Variants in PATJ observed in about 807,000 individuals in gnomAD.
The protein encoded by PATJ is PATJ crumbs cell polarity complex component, also known as inaD-like protein.
PATJ carries 190 observed loss-of-function variants against 224.9 expected under a neutral mutation model. That is an observed-to-expected ratio of 0.84 (90% CI 0.75 to 0.95). PATJ has a LOEUF of 0.95. PATJ is among the 40% of genes least tolerant of loss of function. The pLI is 0.00. For missense variants in PATJ, 2,121 were observed against 2,270.3 expected (o/e 0.93, Z 1.34); for synonymous variants, 769 against 820.3 (o/e 0.94, Z 1.07).
intron 14 of PATJ, among the ~76,000 whole-genome samples, chr1:61,811,383 C>T (rs1362535650): frequency 6.6e-6 from 1 of 151,934 alleles, no homozygotes; most frequent in Non-Finnish European, 1.5e-5. Context: ...TGCCCACCAC[C>T]ACGCCTGGCT....
chr1:61,971,918 G>C (rs544245827), intron 27 of PATJ, among the ~76,000 whole-genome samples: 1 of 150,356 alleles, frequency 6.7e-6, no homozygotes, highest in Non-Finnish European at 1.5e-5. Context: ...GAACACGGGA[G>C]GTTGAGGCTG....
At chr1:62,112,606 G>C (rs1663980535) in intron 34 of PATJ, among the ~76,000 whole-genome samples, 1 of 152,216 alleles carries the variant, frequency 6.6e-6, no homozygotes, top group South Asian at 2.1e-4. Flanking sequence ...CACAGGGCTG[G>C]ACCAGAATAA....
intron 34 of PATJ, among the ~76,000 whole-genome samples, chr1:62,110,886 CT>C (rs1663717789): frequency 6.6e-6 from 1 of 152,330 alleles, no homozygotes; most frequent in Admixed American, 6.5e-5. Flanking sequence ...TTCCACCCCT[CT>C]TCCTCTACAG....
chr1:62,072,300 TG>T (rs1406227622), intron 31 of PATJ: 3 of 152,246 alleles, frequency 2.0e-5, no homozygotes, highest in South Asian at 2.1e-4. Flanking sequence ...TTTTTGTTTT[TG>T]TTTTTTTGTT....
chr1:62,046,394 T>A (rs1325176908), intron 30 of PATJ, among the ~76,000 whole-genome samples: 1 of 152,218 alleles, frequency 6.6e-6, no homozygotes, highest in Non-Finnish European at 1.5e-5. Context: ...AATGCTTTAT[T>A]GCTATCCTCC....
intron 29 of PATJ, among the ~76,000 whole-genome samples, chr1:62,035,000 G>A (rs1650103529): frequency 6.6e-6 from 1 of 152,166 alleles, no homozygotes; most frequent in Non-Finnish European, 1.5e-5. Flanking sequence ...GTGAGTTCCA[G>A]ATCTACAGCA....
At chr1:62,014,562 C>CTTTTTTTTTTTTT (rs35711547) in intron 28 of PATJ, among the ~76,000 whole-genome samples, 1 of 84,518 alleles carries the variant, frequency 1.2e-5, no homozygotes, top group Non-Finnish European at 2.2e-5. Context: ...CTTTTCTTTC[C>CTTTTTTTTTTTTT]TTTTTTTTTT....
chr1:61,842,387 G>A (rs1356200783), intron 17 of PATJ, among the ~76,000 whole-genome samples: 1 of 152,156 alleles, frequency 6.6e-6, no homozygotes, highest in Non-Finnish European at 1.5e-5. Flanking sequence ...TGTGTCTAGT[G>A]GGGGCGAAAG....
chr1:62,105,711 A>C (rs766216868), intron 33 of PATJ, among the ~76,000 whole-genome samples: 1 of 152,138 alleles, frequency 6.6e-6, no homozygotes, highest in Non-Finnish European at 1.5e-5. Context: ...TGGATCCAGA[A>C]ACTTTTCCTG....
chr1:61,951,233 T>C (rs1014828988), intron 27 of PATJ, among the ~76,000 whole-genome samples: 1 of 152,140 alleles, frequency 6.6e-6, no homozygotes, highest in Non-Finnish European at 1.5e-5. Flanking sequence ...TCTAGCTCTG[T>C]AATTGGAGAA....
intron 34 of PATJ, among the ~76,000 whole-genome samples, chr1:62,113,244 A>G (rs1312317729): frequency 6.6e-6 from 1 of 152,172 alleles, no homozygotes; most frequent in African/African-American, 2.4e-5. Context: ...ACCAGATTCC[A>G]GTGAGAAGAC....
At chr1:61,935,093 T>G (rs1676647848) in intron 27 of PATJ, among the ~76,000 whole-genome samples, 1 of 140,106 alleles carries the variant, frequency 7.1e-6, no homozygotes. Flanking sequence ...CAAGCATTCA[T>G]TCTTTCAGCG....
chr1:61,993,480 G>C (rs896679749), intron 28 of PATJ, among the ~76,000 whole-genome samples: 6 of 152,052 alleles, frequency 3.9e-5, no homozygotes, highest in African/African-American at 7.2e-5. Flanking sequence ...CTGAGGGTCG[G>C]AACTGAACAT....
chr1:62,116,756 T>G (rs1015665616), intron 36 of PATJ, 77 bp downstream of exon 36: 1 of 1,392,622 alleles, frequency 7.2e-7, no homozygotes, highest in Admixed American at 2.5e-5. Context: ...AGCTTGATTA[T>G]AAAATGGGTT....
intron 42 of PATJ, among the ~76,000 whole-genome samples, chr1:62,149,149 A>G (rs1019672316): frequency 2.3e-3 from 322 of 141,302 alleles, no homozygotes; most frequent in African/African-American, 8.2e-3. Context: ...AAAAAAAAAG[A>G]GGAGTAATCT....
At chr1:61,845,370 C>T (rs554711433) in intron 17 of PATJ, among the ~76,000 whole-genome samples, 1 of 152,274 alleles carries the variant, frequency 6.6e-6, no homozygotes, top group African/African-American at 2.4e-5. Flanking sequence ...ACTAATTCTT[C>T]ATAATTATGG....
chr1:62,119,739 A>G (rs969736780), intron 37 of PATJ, among the ~76,000 whole-genome samples: 1 of 152,174 alleles, frequency 6.6e-6, no homozygotes, highest in Non-Finnish European at 1.5e-5. Flanking sequence ...CAGGAATTCA[A>G]GACCAGCCTG....
chr1:61,962,621 T>C (rs1382746082), intron 27 of PATJ, among the ~76,000 whole-genome samples: 1 of 152,212 alleles, frequency 6.6e-6, no homozygotes, highest in Non-Finnish European at 1.5e-5. Flanking sequence ...ATTAACTTGT[T>C]GACAAATTGC....
At chr1:61,799,121 T>C (rs1651943594) in intron 11 of PATJ, among the ~76,000 whole-genome samples, 1 of 152,212 alleles carries the variant, frequency 6.6e-6, no homozygotes, top group Non-Finnish European at 1.5e-5. Flanking sequence ...GCATCCAGTG[T>C]ATGAAATTAA....
Sources: allele counts gnomAD v4.1 joint callset (sites outside exome capture counted in the v4.1 genomes callset), GRCh38; gene constraint gnomAD v4.1.1; transcripts MANE v1.5; gene names NCBI Gene and HGNC (gene_info 2026-07-23, HGNC 2026-07-21).